Variants in ENTHD1 observed in about 807,000 individuals in gnomAD.
ENTHD1 encodes the protein ENTH domain containing 1.
Under a neutral mutation model 39.1 loss-of-function variants are expected in ENTHD1, and 23 were observed. The ratio of observed to expected loss-of-function variants is 0.59; its 90% CI spans 0.42 to 0.83. The LOEUF is 0.83. ENTHD1 is among the 40% of genes least tolerant of loss of function. The pLI is 0.00. For missense variants in ENTHD1, 624 were observed against 705.4 expected (o/e 0.88, Z 1.31); for synonymous variants, 230 against 258.2 (o/e 0.89, Z 1.05).
chr22:39,820,934 T>C, intron 5 of ENTHD1, 59 bp downstream of exon 5: 1 of 1,597,570 alleles, frequency 6.3e-7, no homozygotes, highest in East Asian at 2.2e-5. Flanking sequence ...AGCCAACGGT[T>C]GCTGTACTTC....
At position 39,743,396 on chromosome 22, in the gene ENTHD1, G is replaced by T; in HGVS notation, c.*283C>A. The T allele has an allele frequency of 3.5e-6, 1 of 288,742 alleles. No individual in the cohort carries two copies. Among genetic ancestry groups the T allele is most frequent in the South Asian group, 6.9e-5 (1 of 14,520 alleles). 17.9% of individuals were successfully genotyped at this position (288,742 alleles called of 1,614,324 possible). A position where few individuals can be genotyped will look rare whatever the true frequency, so the allele number is the denominator to read the frequency against. Reference sequence around the variant, plus strand: ...AGGTCTTACCACAATTTTCACTAATGCTTAACCCATTTGAGGTACAGAGCA... The same window carrying T: ...AGGTCTTACCACAATTTTCACTAATTCTTAACCCATTTGAGGTACAGAGCA... On this transcript the variant is annotated 3_prime_UTR_variant, in exon 7 of 7. Transcript: ENST00000325157.
At chr22:39,828,807 T>C (rs760007533) in intron 4 of ENTHD1, among the ~76,000 whole-genome samples, 21 of 152,180 alleles carry the variant, frequency 1.4e-4, no homozygotes, top group Non-Finnish European at 2.1e-4. Flanking sequence ...GCAGTATATA[T>C]AGAGAAAACA....
chr22:39,870,518 C>A (rs2066233490), intron 2 of ENTHD1, among the ~76,000 whole-genome samples: 1 of 151,934 alleles, frequency 6.6e-6, no homozygotes, highest in South Asian at 2.1e-4. Flanking sequence ...ATTTTCATGT[C>A]AAAAATGATC....
Position 39,743,889 on chromosome 22 carries a change from G to A in ENTHD1, c.1614C>T (p.Phe538=), listed in dbSNP as rs1421394070. The change falls in exon 7 of 7, where the codon TTC becomes TTT. Residue 538 remains phenylalanine (F), a synonymous_variant. Transcript: ENST00000325157. ...AATTCTTTGCTTCAGGTTCCTGGGG[G>A]AAGTCTTTGGTTGACTGAAAACCAG... ...SCSGFQSTKD[F]PQEPEAKNSI... The A allele has an allele frequency of 6.8e-6, 11 of 1,614,144 alleles. No homozygotes were observed. Among genetic ancestry groups the A allele is most frequent in the African/African-American group, 1.3e-5 (1 of 75,050 alleles).
At chr22:39,777,764 C>A (rs2065377188) in intron 5 of ENTHD1, among the ~76,000 whole-genome samples, 1 of 152,072 alleles carries the variant, frequency 6.6e-6, no homozygotes, top group Non-Finnish European at 1.5e-5. Context: ...AAATTTTATA[C>A]CATAGTTAAG....
At chr22:39,826,683 T>C (rs909931850) in intron 4 of ENTHD1, among the ~76,000 whole-genome samples, 1 of 152,134 alleles carries the variant, frequency 6.6e-6, no homozygotes, top group South Asian at 2.1e-4. Flanking sequence ...GATTACAATA[T>C]GTTAATGTAG....
chr22:39,815,918 A>G (rs761061072), intron 5 of ENTHD1, among the ~76,000 whole-genome samples: 3 of 152,230 alleles, frequency 2.0e-5, no homozygotes, highest in Non-Finnish European at 4.4e-5. Flanking sequence ...AACGAAATAT[A>G]TATTGTGTAG....
At chr22:39,789,011 T>C (rs2065482198) in intron 5 of ENTHD1, among the ~76,000 whole-genome samples, 1 of 152,192 alleles carries the variant, frequency 6.6e-6, no homozygotes, top group African/African-American at 2.4e-5. Flanking sequence ...AGAAAATATG[T>C]GTGACTCTTT....
intron 5 of ENTHD1, among the ~76,000 whole-genome samples, chr22:39,811,916 TTGCAG>T (rs1385495103): frequency 6.6e-6 from 1 of 151,862 alleles, no homozygotes; most frequent in Non-Finnish European, 1.5e-5. Flanking sequence ...GAGGCGCAGC[TTGCAG>T]TGAGCCGAGA....
intron 3 of ENTHD1, among the ~76,000 whole-genome samples, chr22:39,854,331 T>A (rs773426473): frequency 6.6e-6 from 1 of 152,178 alleles, no homozygotes; most frequent in Non-Finnish European, 1.5e-5. Context: ...TCAGGGAAAT[T>A]TTTCCATGAT....
intron 3 of ENTHD1, among the ~76,000 whole-genome samples, chr22:39,857,557 G>T (rs2146717425): frequency 6.6e-6 from 1 of 151,782 alleles, no homozygotes; most frequent in East Asian, 1.9e-4. Flanking sequence ...TCAATTTAGG[G>T]ATTCATTTCT....
At chr22:39,755,844 A>G (rs1227908078) in intron 6 of ENTHD1, among the ~76,000 whole-genome samples, 2 of 152,220 alleles carry the variant, frequency 1.3e-5, no homozygotes, top group Admixed American at 6.5e-5. Context: ...CAATATCTCA[A>G]TGTGGTAGTT....
At chr22:39,759,799 C>T (rs971314366) in intron 6 of ENTHD1, among the ~76,000 whole-genome samples, 56 of 151,938 alleles carry the variant, frequency 3.7e-4, no homozygotes, top group Admixed American at 2.8e-3. Flanking sequence ...AATATTTTCT[C>T]ATTTCTCTTC....
chr22:39,799,084 C>T (rs2065576805), intron 5 of ENTHD1, among the ~76,000 whole-genome samples: 2 of 152,188 alleles, frequency 1.3e-5, no homozygotes, highest in African/African-American at 2.4e-5. Flanking sequence ...TGTTCTCAGG[C>T]CCTCTGGTTT....
chr22:39,821,071 G>A lies in ENTHD1; in HGVS notation c.754C>T (p.Leu252=), dbSNP rs1418998880. 6.2e-7 allele frequency: 1 copy of A among 1,614,092 alleles called. No individual in the cohort carries two copies. Among genetic ancestry groups the A allele is most frequent in the Admixed American group, 1.7e-5 (1 of 60,026 alleles). The change falls in exon 5 of 7, where the codon CTA becomes TTA. Residue 252 remains leucine (L), a synonymous_variant. Transcript: ENST00000325157. ...GAGACAATGGAAGGAGGTGTTGCTA[G>A]TAAAGGCAGCTCTGGATCATCATCC... ...FLDDDPELPL[L]ATPPSIVSPI... is the part of the protein sequence containing the mutation.
chr22:39,887,548 G>T lies in ENTHD1; in HGVS notation c.201C>A (p.Asn67Lys). The T allele has an allele frequency of 6.2e-7, 1 of 1,614,224 alleles. No homozygotes were observed. Reference sequence around the variant, plus strand: ...TAAGGGATTTATACACGTGGCGCCAGTTCTTCCCATGGTCATTGAGTCTGT... The same window carrying T: ...TAAGGGATTTATACACGTGGCGCCATTTCTTCCCATGGTCATTGAGTCTGT... ...LWHRLNDHGK[N>K]WRHVYKSLTL... Residue 67 changes from asparagine to lysine, a missense_variant, in exon 2 of 7, where the codon AAC (asparagine) becomes AAA (lysine). Asn to Lys is a moderately conservative substitution (Grantham distance 94). Coordinates refer to ENST00000325157, the MANE Select transcript of ENTHD1 (RefSeq NM_152512.4).
chr22:39,888,267 T>C (rs1436957774), intron 1 of ENTHD1, among the ~76,000 whole-genome samples: 2 of 136,530 alleles, frequency 1.5e-5, no homozygotes, highest in African/African-American at 2.7e-5. Context: ...TTTCTTTTTT[T>C]TTTTTTTTTT....
At chr22:39,852,203 C>G (rs564796739) in intron 3 of ENTHD1, among the ~76,000 whole-genome samples, 1 of 151,592 alleles carries the variant, frequency 6.6e-6, no homozygotes. Context: ...CAAATTTAGC[C>G]GGTGTGGTGG....
intron 5 of ENTHD1, among the ~76,000 whole-genome samples, chr22:39,799,521 C>G (rs1235947566): frequency 6.6e-6 from 1 of 152,024 alleles, no homozygotes; most frequent in Non-Finnish European, 1.5e-5. Flanking sequence ...AAAGAAAGGT[C>G]TCAACAAAAA....
Sources: allele counts gnomAD v4.1 joint callset (sites outside exome capture counted in the v4.1 genomes callset), GRCh38; gene constraint gnomAD v4.1.1; transcripts MANE v1.5; gene names NCBI Gene and HGNC (gene_info 2026-07-23, HGNC 2026-07-21).